The following CACUL1 variants were observed in gnomAD, a reference collection of about 807,000 sequenced individuals.
CACUL1 encodes the protein CDK2 associated cullin domain 1.
Under a neutral mutation model 45.2 loss-of-function variants are expected in CACUL1, and 13 were observed. That is an observed-to-expected ratio of 0.29 (90% confidence interval 0.19 to 0.46). The LOEUF is 0.46. Ranked by LOEUF, CACUL1 falls within the 20% of genes least tolerant of loss-of-function variation. The pLI is 1.00. For missense variants in CACUL1, 421 were observed against 471.4 expected (o/e 0.89, Z 0.99); for synonymous variants, 197 against 174.2 (o/e 1.13, Z -1.03).
intron 1 of CACUL1, among the ~76,000 whole-genome samples, chr10:118,732,495 G>C (rs899109477): frequency 2.0e-5 from 3 of 152,166 alleles, no homozygotes; most frequent in Non-Finnish European, 4.4e-5. Flanking sequence ...CCAGCTGCCA[G>C]AGCTTGCTCT....
At chr10:118,731,519 GA>G (rs1354301882) in intron 1 of CACUL1, among the ~76,000 whole-genome samples, 1 of 152,134 alleles carries the variant, frequency 6.6e-6, no homozygotes, top group African/African-American at 2.4e-5. Flanking sequence ...TCTGAGGAAT[GA>G]ACTACTGAGG....
chr10:118,698,555 G>C (rs1395330423), intron 5 of CACUL1, among the ~76,000 whole-genome samples: 1 of 152,100 alleles, frequency 6.6e-6, no homozygotes, highest in Non-Finnish European at 1.5e-5. Context: ...TCTGAGCCGA[G>C]GACCTAAGAT....
At position 118,685,278 on chromosome 10, in the gene CACUL1, G is replaced by T. The variant is rs548589905; in HGVS notation, c.*850C>A. Reference sequence around the variant, plus strand: ...GCCAATACTATAGCAGCTGGTGACAGACATCGTGTTAAGTGGCACAGGGAA... The same window carrying T: ...GCCAATACTATAGCAGCTGGTGACATACATCGTGTTAAGTGGCACAGGGAA... On this transcript the variant is annotated 3_prime_UTR_variant, in exon 9 of 9. Transcript: ENST00000369151. 1 of 152,820 alleles carries T rather than the reference G, an allele frequency of 6.5e-6. No individual in the cohort carries two copies. Among genetic ancestry groups the T allele is most frequent in the South Asian group, 2.1e-4 (1 of 4,830 alleles). The allele number at this position is 152,820 out of a possible 1,614,324, so 9.5% of individuals were successfully genotyped here.
chr10:118,740,370 G>C (rs1013177307), intron 1 of CACUL1, among the ~76,000 whole-genome samples: 3 of 152,102 alleles, frequency 2.0e-5, no homozygotes, highest in Non-Finnish European at 4.4e-5. Flanking sequence ...AGCACTTTGG[G>C]AGGCCAACTC....
intron 4 of CACUL1, among the ~76,000 whole-genome samples, chr10:118,705,915 C>T (rs377021405): frequency 1.8e-4 from 28 of 152,170 alleles, no homozygotes; most frequent in African/African-American, 2.4e-4. Context: ...AAAGTAACTA[C>T]AAAGCAAATT....
intron 1 of CACUL1, among the ~76,000 whole-genome samples, chr10:118,753,566 T>C (rs947235464): frequency 1.3e-5 from 2 of 152,256 alleles, no homozygotes; most frequent in Non-Finnish European, 2.9e-5. Context: ...GCACATTCTT[T>C]TCCTAGCTAT....
chr10:118,694,756 A>G (rs1845303813), intron 6 of CACUL1, among the ~76,000 whole-genome samples: 1 of 152,212 alleles, frequency 6.6e-6, no homozygotes, highest in Non-Finnish European at 1.5e-5. Context: ...CAACACTTCT[A>G]GATTCTTCGC....
chr10:118,725,573 G>A (rs1845644472), intron 3 of CACUL1, among the ~76,000 whole-genome samples: 1 of 152,192 alleles, frequency 6.6e-6, no homozygotes, highest in Non-Finnish European at 1.5e-5. Context: ...CCAGCAGTAA[G>A]TTAAAATGTA....
At chr10:118,696,679 A>C (rs1845326707) in intron 5 of CACUL1, among the ~76,000 whole-genome samples, 1 of 152,260 alleles carries the variant, frequency 6.6e-6, no homozygotes, top group South Asian at 2.1e-4. Context: ...GTTGGGCAGC[A>C]TTCAAAGCCA....
chr10:118,714,800 C>T (rs906910368), intron 3 of CACUL1, among the ~76,000 whole-genome samples: 7 of 152,072 alleles, frequency 4.6e-5, no homozygotes. Flanking sequence ...TCTGTTTCAT[C>T]TGGGACATTC....
At chr10:118,735,311 G>A (rs902814572) in intron 1 of CACUL1, among the ~76,000 whole-genome samples, 1 of 152,166 alleles carries the variant, frequency 6.6e-6, no homozygotes, top group South Asian at 2.1e-4. Context: ...ATAAATTCAG[G>A]AATTATAGTA....
At chr10:118,753,128 C>A (rs1011625196) in intron 1 of CACUL1, among the ~76,000 whole-genome samples, 1 of 152,186 alleles carries the variant, frequency 6.6e-6, no homozygotes, top group Non-Finnish European at 1.5e-5. Flanking sequence ...CAGGTGAAGT[C>A]ATTCTGCCAC....
chr10:118,709,262 G>A (rs540238527), intron 3 of CACUL1, among the ~76,000 whole-genome samples: 68 of 152,304 alleles, frequency 4.5e-4, no homozygotes, highest in African/African-American at 1.6e-3. Flanking sequence ...GAAAATCCGT[G>A]GATAAGTGGA....
chr10:118,717,599 T>C (rs1233006238), intron 3 of CACUL1, among the ~76,000 whole-genome samples: 1 of 152,112 alleles, frequency 6.6e-6, no homozygotes, highest in Non-Finnish European at 1.5e-5. Context: ...AATTTCAGAG[T>C]GACAAGCTCC....
chr10:118,730,178 GC>G, intron 2 of CACUL1, 105 bp downstream of exon 2: 1 of 1,185,770 alleles, frequency 8.4e-7, no homozygotes, highest in Admixed American at 1.9e-5. Context: ...CACTTACAGA[GC>G]CTCATCTTAT....
At chr10:118,694,764 C>T (rs1309321639) in intron 6 of CACUL1, among the ~76,000 whole-genome samples, 2 of 152,178 alleles carry the variant, frequency 1.3e-5, no homozygotes, top group African/African-American at 2.4e-5. Flanking sequence ...CTAGATTCTT[C>T]GCAAGTTACT....
intron 7 of CACUL1, among the ~76,000 whole-genome samples, chr10:118,690,100 G>GA (rs958530167): frequency 6.6e-6 from 1 of 152,104 alleles, no homozygotes; most frequent in African/African-American, 2.4e-5. Context: ...AGGAGATCGA[G>GA]ACCATCCTGG....
At position 118,684,637 on chromosome 10, in the gene CACUL1, G is replaced by GTGAC. The variant is rs1189617367; in HGVS notation, c.*1487_*1490dup. The GTGAC allele has an allele frequency of 6.6e-6, 1 of 152,086 alleles. No individual in the cohort carries two copies. Among genetic ancestry groups the GTGAC allele is most frequent in the Admixed American group, 6.6e-5 (1 of 15,262 alleles). The allele number at this position is 152,086 out of a possible 1,614,324, so 9.4% of individuals were successfully genotyped here. On this transcript the variant is annotated 3_prime_UTR_variant, in exon 9 of 9. Coordinates refer to ENST00000369151, the MANE Select transcript of CACUL1 (RefSeq NM_153810.5). ...ACAAATCAAGGACTTCAATTATTGGGTGACTTACTTGCTCCCAATATCCCA... is the reference window on the plus strand; with the variant it reads ...ACAAATCAAGGACTTCAATTATTGGGTGACTGACTTACTTGCTCCCAATATCCCA...
At chr10:118,743,813 G>A (rs1006752945) in intron 1 of CACUL1, among the ~76,000 whole-genome samples, 5 of 152,094 alleles carry the variant, frequency 3.3e-5, no homozygotes, top group African/African-American at 4.8e-5. Flanking sequence ...AAAAAAGGCT[G>A]TATATCTAGA....
Sources: allele counts gnomAD v4.1 joint callset (sites outside exome capture counted in the v4.1 genomes callset), GRCh38; gene constraint gnomAD v4.1.1; transcripts MANE v1.5; gene names NCBI Gene and HGNC (gene_info 2026-07-23, HGNC 2026-07-21).